RORA: variants seen among roughly 807,000 people sequenced by gnomAD.
RORA encodes the protein nuclear receptor ROR-alpha.
In RORA, 7 loss-of-function variants were observed where a neutral mutation model predicts 69.5. That is an observed-to-expected ratio of 0.10 (90% confidence interval 0.06 to 0.19). The LOEUF is 0.19. Among genes scored for constraint, RORA ranks in the 10% least tolerant of loss-of-function variants. The probability of loss-of-function intolerance (pLI) is 1.00; values close to 1 mark genes in which losing one functional copy is unlikely to be tolerated. For missense variants in RORA, 457 were observed against 663.0 expected, an observed-to-expected ratio of 0.69 and a Z score of 3.41; for synonymous variants, 261 against 240.8, an observed-to-expected ratio of 1.08 and a Z score of -0.78.
In RORA at chr15:60,888,633, T is replaced by A. The variant is rs1001012558; in HGVS notation, c.167-209947A>T. Among the ~76,000 whole-genome samples, 4 of 152,204 alleles carry A rather than the reference T, an allele frequency of 2.6e-5. No individual in the cohort carries two copies. In the South Asian group the frequency reaches 8.3e-4, roughly 32 times the overall value. On this transcript the variant is annotated intron_variant, in intron 1 of 10. Transcript: ENST00000335670. ...TCTGGCCCGCCCTACACATGGCATT[T>A]CTGGGCACAGTGTGGCCGATTATAT...
chr15:60,606,855 G>A (rs762586802), intron 2 of RORA, among the ~76,000 whole-genome samples: 1 of 151,538 alleles, frequency 6.6e-6, no homozygotes, highest in Non-Finnish European at 1.5e-5. Context: ...GACAGAAGCC[G>A]AAAAAACAGA....
intron 2 of RORA, among the ~76,000 whole-genome samples, chr15:60,551,969 G>A (rs1442163598): frequency 6.6e-6 from 1 of 152,206 alleles, no homozygotes; most frequent in African/African-American, 2.4e-5. Flanking sequence ...GTGAGCCGAG[G>A]CTCTTTTATC....
intron 1 of RORA, among the ~76,000 whole-genome samples, chr15:61,218,587 C>G (rs2080063350): frequency 6.6e-6 from 1 of 151,902 alleles, no homozygotes; most frequent in South Asian, 2.1e-4. Context: ...AAAAGAAACT[C>G]ACAGGTAATC....
chr15:60,717,445 C>CA (rs1405110162), intron 1 of RORA, among the ~76,000 whole-genome samples: 1 of 152,182 alleles, frequency 6.6e-6, no homozygotes, highest in Non-Finnish European at 1.5e-5. Flanking sequence ...TCCATGGTCC[C>CA]AGCAGGAAAG....
intron 2 of RORA, chr15:60,592,452 A>C (rs2068556023): frequency 1.4e-6 from 2 of 1,403,988 alleles, no homozygotes; most frequent in Non-Finnish European, 9.3e-7. Flanking sequence ...GGGAGAGCGG[A>C]TGGTCCGACC....
intron 1 of RORA, among the ~76,000 whole-genome samples, chr15:60,974,503 G>C (rs1412917469): frequency 6.6e-6 from 1 of 152,154 alleles, no homozygotes; most frequent in Non-Finnish European, 1.5e-5. Flanking sequence ...TAGCTCCCTG[G>C]GGTGATAATG....
At chr15:60,791,931 G>A (rs1196965946) in intron 1 of RORA, among the ~76,000 whole-genome samples, 2 of 151,382 alleles carry the variant, frequency 1.3e-5, no homozygotes, top group Non-Finnish European at 2.9e-5. Context: ...AGAGTAAAAT[G>A]TAACACATAA....
chr15:61,168,515 T>C (rs1019628823), intron 1 of RORA, among the ~76,000 whole-genome samples: 1 of 152,132 alleles, frequency 6.6e-6, no homozygotes, highest in African/African-American at 2.4e-5. Flanking sequence ...CACCTCGGCC[T>C]CCCAAAGTGC....
chr15:61,093,096 T>C (rs2078732323), intron 1 of RORA, among the ~76,000 whole-genome samples: 1 of 152,346 alleles, frequency 6.6e-6, no homozygotes, highest in South Asian at 2.1e-4. Flanking sequence ...AGTGTTTCCT[T>C]AGATCCTCTA....
intron 1 of RORA, among the ~76,000 whole-genome samples, chr15:60,875,992 T>C (rs563428477): frequency 2.6e-5 from 4 of 152,308 alleles, no homozygotes; most frequent in African/African-American, 9.6e-5. Flanking sequence ...TCAGGTTCTC[T>C]AAAAACTTCT....
chr15:61,171,492 C>A (rs115886199), intron 1 of RORA, among the ~76,000 whole-genome samples: 1 of 152,182 alleles, frequency 6.6e-6, no homozygotes, highest in Non-Finnish European at 1.5e-5. Context: ...CCCTAAGAAC[C>A]ACCCCTCTGC....
intron 1 of RORA, among the ~76,000 whole-genome samples, chr15:60,821,737 G>A (rs1270361772): frequency 1.3e-5 from 2 of 152,204 alleles, no homozygotes; most frequent in East Asian, 3.8e-4. Context: ...CATTGCACTA[G>A]GTGCAAGATA....
At chr15:61,082,237 C>T (rs1278580697) in intron 1 of RORA, among the ~76,000 whole-genome samples, 1 of 152,176 alleles carries the variant, frequency 6.6e-6, no homozygotes, top group Non-Finnish European at 1.5e-5. Flanking sequence ...ACCTGTAATC[C>T]CAGCACTCTG....
intron 2 of RORA, among the ~76,000 whole-genome samples, chr15:60,656,338 C>G (rs984137049): frequency 6.6e-6 from 1 of 152,100 alleles, no homozygotes; most frequent in Non-Finnish European, 1.5e-5. Flanking sequence ...AATGGTACAG[C>G]GAGTTTGGAG....
intron 1 of RORA, among the ~76,000 whole-genome samples, chr15:60,743,197 T>C (rs1272252831): frequency 6.6e-6 from 1 of 151,990 alleles, no homozygotes; most frequent in African/African-American, 2.4e-5. Flanking sequence ...GTATTTTTAG[T>C]AGAGACAGCA....
chr15:60,587,024 A>G lies in RORA; in HGVS notation c.197-55173T>C, dbSNP rs2068355712. On this transcript the variant is annotated intron_variant, in intron 2 of 10. Coordinates refer to ENST00000335670, the MANE Select transcript of RORA (RefSeq NM_134261.3). ...ACAAGCACGAGAATTCGTAAGCTTT[A>G]TACTACACAAAGTCATATTAAAATT... 2.0e-5 allele frequency among the ~76,000 whole-genome samples: 3 copies of G among 152,230 alleles called. No individual in the cohort carries two copies. The South Asian group carries it at 6.2e-4, about 32-fold the overall frequency.
chr15:60,568,081 T>C (rs1427031784), intron 2 of RORA, among the ~76,000 whole-genome samples: 3 of 152,206 alleles, frequency 2.0e-5, no homozygotes, highest in Non-Finnish European at 2.9e-5. Context: ...TAGACACTGA[T>C]AAATGTTCCC....
chr15:60,820,522 G>A (rs1024854692), intron 1 of RORA, among the ~76,000 whole-genome samples: 4 of 151,790 alleles, frequency 2.6e-5, no homozygotes, highest in African/African-American at 9.7e-5. Flanking sequence ...GCGTGAAGAA[G>A]GTTTAAGATT....
intron 1 of RORA, among the ~76,000 whole-genome samples, chr15:61,186,538 T>A (rs746387998): frequency 1.4e-4 from 21 of 147,384 alleles, no homozygotes; most frequent in Non-Finnish European, 1.6e-4. Context: ...CTACTCAGGA[T>A]GTTGAGGCAG....
Sources: gnomAD v4.1 joint callset for allele counts (sites outside exome capture counted in the v4.1 genomes callset) on GRCh38, gnomAD v4.1.1 for gene constraint, MANE v1.5 for transcripts, NCBI Gene and HGNC (gene_info 2026-07-23, HGNC 2026-07-21) for gene names.